QTMAN: variants seen among roughly 807,000 people sequenced by gnomAD.
The protein encoded by QTMAN is queuosine-tRNA mannosyltransferase, also known as tRNA-queuosine alpha-mannosyltransferase.
chr2:144,101,559 A>ATCTT, the QTMAN span, among the ~76,000 whole-genome samples: 1 of 152,114 alleles, frequency 6.6e-6, no homozygotes, highest in East Asian at 1.9e-4. Flanking sequence ...GCACATAACA[A>ATCTT]TCTTTCAAAC....
At chr2:144,089,365 C>G in the QTMAN span, among the ~76,000 whole-genome samples, 3 of 151,954 alleles carry the variant, frequency 2.0e-5, no homozygotes, top group Non-Finnish European at 4.4e-5. Context: ...ACTAGTACAG[C>G]CACTAAAGAA....
chr2:144,249,525 T>C, the QTMAN span, among the ~76,000 whole-genome samples: 3 of 152,174 alleles, frequency 2.0e-5, no homozygotes, highest in Non-Finnish European at 4.4e-5. Flanking sequence ...TTTTACAGAT[T>C]GAGGTTACAC....
chr2:144,011,541 T>C, the QTMAN span: 4 of 799,752 alleles, frequency 5.0e-6, no homozygotes, highest in Non-Finnish European at 4.5e-6. Context: ...TGCTTAATAA[T>C]AGTCACCACA....
the QTMAN span, among the ~76,000 whole-genome samples, chr2:144,212,923 T>C: frequency 2.4e-4 from 36 of 152,182 alleles, no homozygotes; most frequent in African/African-American, 7.2e-4. Context: ...AGCTGTGACA[T>C]AGAAATTTCA....
the QTMAN span, among the ~76,000 whole-genome samples, chr2:143,999,637 C>T: frequency 6.6e-6 from 1 of 152,050 alleles, no homozygotes; most frequent in African/African-American, 2.4e-5. Context: ...ATCCATATCA[C>T]CTAGCTATCT....
chr2:144,209,830 TAAGTA>T, the QTMAN span, among the ~76,000 whole-genome samples: 1 of 152,176 alleles, frequency 6.6e-6, no homozygotes, highest in Non-Finnish European at 1.5e-5. Context: ...CTTTATGACT[TAAGTA>T]AATATCACTC....
chr2:144,009,927 G>A, the QTMAN span, among the ~76,000 whole-genome samples: 3 of 151,922 alleles, frequency 2.0e-5, no homozygotes, highest in African/African-American at 7.3e-5. Flanking sequence ...AATGGTAAGA[G>A]AAGGAACATC....
the QTMAN span, among the ~76,000 whole-genome samples, chr2:144,023,150 G>A: frequency 2.0e-5 from 3 of 152,082 alleles, no homozygotes; most frequent in East Asian, 5.8e-4. Context: ...ACTAGAAAAT[G>A]GATAGGACAC....
the QTMAN span, among the ~76,000 whole-genome samples, chr2:144,220,342 T>C: frequency 1.3e-5 from 2 of 152,210 alleles, no homozygotes; most frequent in African/African-American, 4.8e-5. Flanking sequence ...CTGTGTATAA[T>C]TTCTAGAAGG....
the QTMAN span, among the ~76,000 whole-genome samples, chr2:144,204,421 T>C: frequency 1.2e-4 from 18 of 152,220 alleles, no homozygotes; most frequent in South Asian, 2.3e-3. Flanking sequence ...ATCAGAGAAA[T>C]GCAAATCAAA....
chr2:144,185,210 T>C, the QTMAN span, among the ~76,000 whole-genome samples: 1 of 152,196 alleles, frequency 6.6e-6, no homozygotes, highest in Non-Finnish European at 1.5e-5. Context: ...GTAGGTATTA[T>C]TAGTCCCATT....
chr2:144,292,392 G>C, the QTMAN span, among the ~76,000 whole-genome samples: 1 of 152,008 alleles, frequency 6.6e-6, no homozygotes, highest in Non-Finnish European at 1.5e-5. Context: ...AGTTACTTAA[G>C]GCCCAGCTCA....
chr2:143,942,189 CAATT>C, the QTMAN span: 1 of 167,090 alleles, frequency 6.0e-6, no homozygotes, highest in Non-Finnish European at 1.5e-5. Context: ...TTTATAAAAA[CAATT>C]AAGATCCTCT....
the QTMAN span, among the ~76,000 whole-genome samples, chr2:144,049,434 AAT>A: frequency 6.6e-6 from 1 of 152,212 alleles, no homozygotes; most frequent in Non-Finnish European, 1.5e-5. Context: ...CTTTTAGAGC[AAT>A]ATATTTATTT....
At chr2:144,000,997 GTAA>G in the QTMAN span, among the ~76,000 whole-genome samples, 2 of 151,844 alleles carry the variant, frequency 1.3e-5, no homozygotes, top group Non-Finnish European at 2.9e-5. Context: ...CTATTATAAG[GTAA>G]TGACCAGTAA....
chr2:144,297,980 C>T, the QTMAN span, among the ~76,000 whole-genome samples: 2 of 151,344 alleles, frequency 1.3e-5, no homozygotes, highest in African/African-American at 4.9e-5. Flanking sequence ...GTAAAGACCT[C>T]GGTGTGGTAA....
chr2:144,132,597 T>C, the QTMAN span, among the ~76,000 whole-genome samples: 2 of 152,158 alleles, frequency 1.3e-5, no homozygotes, highest in East Asian at 3.9e-4. Flanking sequence ...AGTACTCACA[T>C]TGCTAAGTTA....
chr2:144,117,662 G>A, the QTMAN span, among the ~76,000 whole-genome samples: 15 of 152,094 alleles, frequency 9.9e-5, no homozygotes, highest in African/African-American at 3.1e-4. Flanking sequence ...TTTTAAATAG[G>A]TCAGTGTGAG....
chr2:144,171,248 C>T, the QTMAN span, among the ~76,000 whole-genome samples: 2 of 152,134 alleles, frequency 1.3e-5, no homozygotes, highest in South Asian at 2.1e-4. Context: ...CCCAATCCTA[C>T]CCATACTTCA....
Sources: gnomAD v4.1 joint callset for allele counts (sites outside exome capture counted in the v4.1 genomes callset) on GRCh38, gnomAD v4.1.1 for gene constraint, MANE v1.5 for transcripts, NCBI Gene and HGNC (gene_info 2026-07-23, HGNC 2026-07-21) for gene names.